Variants in METAP2 observed in about 807,000 individuals in gnomAD.
METAP2 encodes the protein methionine aminopeptidase 2.
A neutral mutation model predicts 59.4 loss-of-function variants in METAP2; 25 were observed. That is an observed-to-expected ratio of 0.42 (90% CI 0.31 to 0.59). The LOEUF is 0.59. Ranked by LOEUF, METAP2 falls within the 20% of genes least tolerant of loss-of-function variation. METAP2 has a pLI of 0.16. For synonymous variants in METAP2, 214 were observed against 194.1 expected (o/e 1.10, Z -0.85); for missense variants, 366 against 581.2 (o/e 0.63, Z 3.81).
At chr12:95,484,004 A>G (rs1049670297) in intron 3 of METAP2, among the ~76,000 whole-genome samples, 5 of 152,106 alleles carry the variant, frequency 3.3e-5, no homozygotes, top group Non-Finnish European at 7.3e-5. Context: ...GCCACAACCA[A>G]ACATCATCAG....
At chr12:95,506,541 C>CG (rs2076361975) in intron 8 of METAP2, among the ~76,000 whole-genome samples, 1 of 151,546 alleles carries the variant, frequency 6.6e-6, no homozygotes, top group African/African-American at 2.4e-5. Flanking sequence ...CCTCATGATC[C>CG]GCCCGCCTCG....
In METAP2 at chr12:95,512,013, A is replaced by G; in HGVS notation, c.1068+15A>G. 1 of 1,569,336 alleles carries G rather than the reference A, an allele frequency of 6.4e-7. No homozygotes were observed. The highest frequency in any genetic ancestry group is 8.8e-7 in the Non-Finnish European group (1 of 1,140,680). On this transcript the variant is annotated intron_variant, in intron 9 of 10. Coordinates refer to ENST00000323666, the MANE Select transcript of METAP2 (RefSeq NM_006838.4). ...CAAGAATGGAGGTATGTGTGTCACT[A>G]ACATTTTACTTCCATGGAAGACATT...
chr12:95,490,976 T>G (rs1262587288), intron 4 of METAP2, among the ~76,000 whole-genome samples: 1 of 152,184 alleles, frequency 6.6e-6, no homozygotes, highest in Non-Finnish European at 1.5e-5. Flanking sequence ...AATAAGTGAT[T>G]ATGACCTTCA....
intron 1 of METAP2, among the ~76,000 whole-genome samples, chr12:95,475,336 C>G (rs1251799217): frequency 6.6e-6 from 1 of 152,126 alleles, no homozygotes; most frequent in African/African-American, 2.4e-5. Flanking sequence ...TGGAACTCTT[C>G]CAGAGCAAAA....
chr12:95,502,394 G>A lies in METAP2; in HGVS notation c.868-1671G>A, dbSNP rs2076323113. Among the ~76,000 whole-genome samples, 3 of 152,164 alleles carry A rather than the reference G, an allele frequency of 2.0e-5. No homozygotes were observed. In the South Asian group the frequency reaches 6.2e-4, roughly 32 times the overall value. On this transcript the variant is annotated intron_variant, in intron 7 of 10. Coordinates refer to ENST00000323666, the MANE Select transcript of METAP2 (RefSeq NM_006838.4). ...TTCTTTTAGTTAGCACTTTGAATAT[G>A]TTGCACTGCTGCCTTCTAGCCTTCA...
intron 4 of METAP2, 67 bp downstream of exon 4, chr12:95,486,048 G>T: frequency 8.7e-7 from 1 of 1,155,992 alleles, no homozygotes; most frequent in East Asian, 2.5e-5. Context: ...AAGCAGATTT[G>T]ACATTTCTCA....
intron 8 of METAP2, among the ~76,000 whole-genome samples, chr12:95,506,019 G>A (rs55855934): frequency 6.6e-6 from 1 of 151,390 alleles, no homozygotes; most frequent in Non-Finnish European, 1.5e-5. Flanking sequence ...ATCACTTGAA[G>A]CCAGGAGGCA....
intron 4 of METAP2, among the ~76,000 whole-genome samples, chr12:95,490,272 G>GTTTT (rs530529363): frequency 7.9e-6 from 1 of 127,336 alleles, no homozygotes. Context: ...CGGCATAGTA[G>GTTTT]TTTTTTTTTT....
chr12:95,490,986 A>G (rs181041513), intron 4 of METAP2, among the ~76,000 whole-genome samples: 170 of 152,234 alleles, frequency 1.1e-3, no homozygotes, highest in African/African-American at 3.8e-3. Context: ...TATGACCTTC[A>G]CATTGTACCA....
Position 95,514,335 on chromosome 12 carries a change from C to T in METAP2, c.*431C>T, listed in dbSNP as rs1361789902. 1.3e-5 allele frequency: 2 copies of T among 157,538 alleles called. No individual in the cohort carries two copies. The highest frequency in any genetic ancestry group is 6.4e-5 in the Admixed American group (1 of 15,624). The allele number at this position is 157,538 out of a possible 1,614,324, so 9.8% of individuals were successfully genotyped here. On this transcript the variant is annotated 3_prime_UTR_variant, in exon 11 of 11. Coordinates refer to ENST00000323666, the MANE Select transcript of METAP2 (RefSeq NM_006838.4). ...ATTTTCTAAAAAATAAAGACATTTT[C>T]AGATCTGAGAGCTACATCTCAATGT...
intron 9 of METAP2, 134 bp downstream of exon 9, chr12:95,512,132 T>C (rs2076407437): frequency 1.6e-6 from 1 of 625,024 alleles, no homozygotes; most frequent in Non-Finnish European, 2.7e-6. Context: ...TGCCAGGAAT[T>C]GGGCCATTTG....
In METAP2 at chr12:95,514,555, T is replaced by G. The variant is rs2076431318; in HGVS notation, c.*651T>G. On this transcript the variant is annotated 3_prime_UTR_variant, in exon 11 of 11. Coordinates refer to ENST00000323666, the MANE Select transcript of METAP2 (RefSeq NM_006838.4). ...GCTTTAGGAATATTTCACCATTCTTTGTAGGACATAGTAGTCCTTGTCTTT... is the reference window on the plus strand; with the variant it reads ...GCTTTAGGAATATTTCACCATTCTTGGTAGGACATAGTAGTCCTTGTCTTT... The G allele has an allele frequency of 6.6e-6, 1 of 152,240 alleles. No individual in the cohort carries two copies. Among genetic ancestry groups the G allele is most frequent in the Non-Finnish European group, 1.5e-5 (1 of 68,046 alleles). The allele number at this position is 152,240 out of a possible 1,614,324, so 9.4% of individuals were successfully genotyped here.
intron 10 of METAP2, 67 bp from the exon 11 acceptor site, chr12:95,513,582 CTTT>C (rs139920980): frequency 6.5e-7 from 1 of 1,535,106 alleles, no homozygotes; most frequent in Non-Finnish European, 8.8e-7. Context: ...AAGGTCTGGG[CTTT>C]TCTTAATGAG....
At chr12:95,513,592 T>G in intron 10 of METAP2, 60 bp from the exon 11 acceptor site, 1 of 1,554,808 alleles carries the variant, frequency 6.4e-7, no homozygotes. Flanking sequence ...CTTTTCTTAA[T>G]GAGGGAAATC....
rs1419930940 is a variant in METAP2 at position 95,512,789 on chromosome 12, T to C, written c.1069-12T>C. On this transcript the variant is annotated splice_polypyrimidine_tract_variant and intron_variant, in intron 9 of 10. Transcript: ENST00000323666. ...CTTCTTTCTCTCCCCTTGACCCTTA[T>C]TTATTTTTCAGGAAGGAGAAGTATA... is the stretch of plus-strand genomic sequence containing the variant. 2 of 1,480,328 alleles carry C rather than the reference T, an allele frequency of 1.4e-6. No homozygotes were observed. The highest frequency in any genetic ancestry group is 1.9e-6 in the Non-Finnish European group (2 of 1,062,016). 91.7% of individuals were successfully genotyped at this position (1,480,328 alleles called of 1,614,324 possible). A position where few individuals can be genotyped will look rare whatever the true frequency, so the allele number is the denominator to read the frequency against.
chr12:95,483,274 A>AGAG lies in METAP2; in HGVS notation c.322_324dup (p.Gly108dup), dbSNP rs772839787. 1.4e-5 allele frequency: 23 copies of AGAG among 1,607,928 alleles called. No homozygotes were observed. The highest frequency in any genetic ancestry group is 2.0e-5 in the Non-Finnish European group (23 of 1,174,464). ...GAAGAAGAAAAAGAAGAAGAAGAAG[A>AGAG]GAGGACGTTAGTGTCTTAAGTTAAT... On this transcript the variant is annotated inframe_insertion, in exon 3 of 11. Transcript: ENST00000323666.
At chr12:95,512,029 G>A in intron 9 of METAP2, 31 bp downstream of exon 9, 1 of 1,507,828 alleles carries the variant, frequency 6.6e-7, no homozygotes, top group Middle Eastern at 1.7e-4. Flanking sequence ...TTACTTCCAT[G>A]GAAGACATTT....
intron 2 of METAP2, among the ~76,000 whole-genome samples, chr12:95,481,899 A>G (rs977468056): frequency 3.3e-5 from 5 of 152,206 alleles, no homozygotes; most frequent in South Asian, 2.1e-4. Flanking sequence ...TCTGGAAAAA[A>G]CTATTGTTTC....
chr12:95,484,992 T>A (rs1333280328), intron 3 of METAP2: 1 of 421,230 alleles, frequency 2.4e-6, no homozygotes, highest in Non-Finnish European at 4.6e-6. Context: ...CCAAATAATA[T>A]AATCATGGGC....
Sources: gnomAD v4.1 joint callset for allele counts (sites outside exome capture counted in the v4.1 genomes callset) on GRCh38, gnomAD v4.1.1 for gene constraint, MANE v1.5 for transcripts, NCBI Gene and HGNC (gene_info 2026-07-23, HGNC 2026-07-21) for gene names.